MARCHF1: variants seen among roughly 807,000 people sequenced by gnomAD.
The protein encoded by MARCHF1 is E3 ubiquitin-protein ligase MARCHF1.
In MARCHF1, 40 loss-of-function variants were observed where a neutral mutation model predicts 54.2. That is an observed-to-expected ratio of 0.74 (90% CI 0.57 to 0.96). The LOEUF is 0.96. MARCHF1 is among the 40% of genes least tolerant of loss of function. MARCHF1 has a pLI of 0.00. For synonymous variants in MARCHF1, 236 were observed against 236.3 expected, an observed-to-expected ratio of 1.00 and a Z score of 0.01; for missense variants, 586 against 656.5, an observed-to-expected ratio of 0.89 and a Z score of 1.17.
chr4:163,757,320 C>A (rs187394110), intron 4 of MARCHF1, among the ~76,000 whole-genome samples: 4 of 152,250 alleles, frequency 2.6e-5, no homozygotes, highest in Admixed American at 2.6e-4. Context: ...TAGGAAAAAA[C>A]CAGGGACCTC....
intron 1 of MARCHF1, among the ~76,000 whole-genome samples, chr4:164,155,238 G>A (rs1730046390): frequency 6.6e-6 from 1 of 152,056 alleles, no homozygotes; most frequent in Non-Finnish European, 1.5e-5. Flanking sequence ...GCCTTTGCCA[G>A]GGAACCACTC....
chr4:163,693,784 C>T (rs1479052544), intron 5 of MARCHF1, among the ~76,000 whole-genome samples: 1 of 152,164 alleles, frequency 6.6e-6, no homozygotes, highest in Admixed American at 6.6e-5. Flanking sequence ...GGCAGAGCAG[C>T]AATTTATTGA....
intron 2 of MARCHF1, among the ~76,000 whole-genome samples, chr4:164,028,074 G>T (rs1044014184): frequency 6.6e-6 from 1 of 152,024 alleles, no homozygotes; most frequent in African/African-American, 2.4e-5. Context: ...AAAAATAATA[G>T]ATGCTGAGTA....
intron 3 of MARCHF1, among the ~76,000 whole-genome samples, chr4:163,892,632 T>TA (rs534839986): frequency 2.1e-4 from 31 of 149,618 alleles, no homozygotes; most frequent in African/African-American, 5.1e-4. Flanking sequence ...TAAAAAAAAT[T>TA]AAAAAAAAAT....
intron 3 of MARCHF1, among the ~76,000 whole-genome samples, chr4:163,950,959 C>T (rs915888918): frequency 6.6e-6 from 1 of 152,312 alleles, no homozygotes; most frequent in Admixed American, 6.5e-5. Flanking sequence ...TTAGAGACCA[C>T]TACAGTTATT....
chr4:163,729,236 T>A (rs1336213224), intron 4 of MARCHF1, among the ~76,000 whole-genome samples: 1 of 152,076 alleles, frequency 6.6e-6, no homozygotes, highest in Non-Finnish European at 1.5e-5. Flanking sequence ...AATGCCTTTT[T>A]TTGTTTTTTT....
Position 164,190,342 on chromosome 4 carries a change from G to A in MARCHF1, c.-322-78680C>T, listed in dbSNP as rs1731091941. ...CAGAAAAAGATGAGTTGTAGACACA[G>A]ATCTGCTACTGCTGTAATATTGTAA... is the stretch of plus-strand genomic sequence containing the variant. On this transcript the variant is annotated intron_variant, in intron 1 of 9. Coordinates refer to ENST00000514618, the MANE Select transcript of MARCHF1 (RefSeq NM_001394959.1). The A allele has an allele frequency of 1.4e-5, 9 of 640,854 alleles. No homozygotes were observed. The South Asian group carries it at 1.9e-4, about 14-fold the overall frequency. The allele number at this position is 640,854 out of a possible 1,614,324, so 39.7% of individuals were successfully genotyped here.
At chr4:163,691,434 T>A (rs1164376209) in intron 5 of MARCHF1, among the ~76,000 whole-genome samples, 1 of 152,068 alleles carries the variant, frequency 6.6e-6, no homozygotes, top group African/African-American at 2.4e-5. Context: ...TACTAGGACA[T>A]CTCTTTCCCT....
chr4:163,751,643 A>G (rs1746525029), intron 4 of MARCHF1, among the ~76,000 whole-genome samples: 1 of 152,188 alleles, frequency 6.6e-6, no homozygotes, highest in South Asian at 2.1e-4. Flanking sequence ...AAAAATTATA[A>G]AAATGGACTT....
chr4:163,767,921 T>C (rs986578849), intron 4 of MARCHF1, among the ~76,000 whole-genome samples: 10 of 152,226 alleles, frequency 6.6e-5, no homozygotes, highest in African/African-American at 1.9e-4. Flanking sequence ...TACATTGCTA[T>C]CATCCAAATT....
rs548165591 is a variant in MARCHF1 at position 164,280,295 on chromosome 4, A to G, written c.-323+103575T>C. Among the ~76,000 whole-genome samples the G allele has an allele frequency of 2.0e-5, 3 of 152,166 alleles. No individual in the cohort carries two copies. The South Asian group carries it at 6.2e-4, about 32-fold the overall frequency. On this transcript the variant is annotated intron_variant, in intron 1 of 9. Transcript: ENST00000514618. ...AAAGCAGAACTGAAATGTCAACCTA[A>G]GTCTGTACATCTTCAAACGGTGAAC...
chr4:164,324,695 A>G (rs1035527086), intron 1 of MARCHF1, among the ~76,000 whole-genome samples: 1 of 151,426 alleles, frequency 6.6e-6, no homozygotes, highest in Non-Finnish European at 1.5e-5. Flanking sequence ...GTAATTTGAA[A>G]AGAAAATAAC....
chr4:164,069,530 G>A (rs939052792), intron 2 of MARCHF1, among the ~76,000 whole-genome samples: 2 of 151,926 alleles, frequency 1.3e-5, no homozygotes, highest in African/African-American at 2.4e-5. Flanking sequence ...CTCCAGACAC[G>A]CCGCCTTAAG....
At chr4:163,770,521 AACACACACACACAC>A (rs36201521) in intron 4 of MARCHF1, among the ~76,000 whole-genome samples, 6,715 of 146,792 alleles carry the variant, frequency 0.046, 171 homozygotes, top group African/African-American at 0.054. Flanking sequence ...TCCCTCACTG[AACACACACACACAC>A]ACACACACAC....
intron 1 of MARCHF1, among the ~76,000 whole-genome samples, chr4:164,340,298 G>A (rs1337074225): frequency 3.4e-5 from 5 of 147,582 alleles, no homozygotes; most frequent in Admixed American, 6.8e-5. Flanking sequence ...GTGCAGTGGC[G>A]TGATCTCAGC....
chr4:163,760,017 T>C (rs1199205066), intron 4 of MARCHF1, among the ~76,000 whole-genome samples: 8 of 152,230 alleles, frequency 5.3e-5, no homozygotes, highest in Non-Finnish European at 1.2e-4. Flanking sequence ...ATCCTACAGT[T>C]CTGGAGGTGG....
intron 1 of MARCHF1, among the ~76,000 whole-genome samples, chr4:164,299,223 C>A (rs1485839795): frequency 6.6e-6 from 1 of 152,128 alleles, no homozygotes; most frequent in Admixed American, 6.6e-5. Flanking sequence ...TTAGAGCTTT[C>A]TTCTCTCCAT....
At chr4:164,228,311 A>C (rs1211496961) in intron 1 of MARCHF1, among the ~76,000 whole-genome samples, 2 of 152,200 alleles carry the variant, frequency 1.3e-5, no homozygotes, top group African/African-American at 4.8e-5. Context: ...TAACTTAAAA[A>C]TTCCTAAGTC....
chr4:164,189,461 G>A lies in MARCHF1; in HGVS notation c.-322-77799C>T. On this transcript the variant is annotated intron_variant, in intron 1 of 9. Transcript: ENST00000514618. ...TCTGATATTGATGATGTTGTTCTTG[G>A]TGGCTCTACTCGAATTCCAAAGATT... 4.2e-6 allele frequency: 3 copies of A among 707,786 alleles called. No individual in the cohort carries two copies. The South Asian group carries it at 4.8e-5, about 11-fold the overall frequency. 43.8% of individuals were successfully genotyped at this position (707,786 alleles called of 1,614,324 possible). A position where few individuals can be genotyped will look rare whatever the true frequency, so the allele number is the denominator to read the frequency against.
Sources: allele counts gnomAD v4.1 joint callset (sites outside exome capture counted in the v4.1 genomes callset), GRCh38; gene constraint gnomAD v4.1.1; transcripts MANE v1.5; gene names NCBI Gene and HGNC (gene_info 2026-07-23, HGNC 2026-07-21).